Variants in ANXA8 observed in about 807,000 individuals in gnomAD.
ANXA8 encodes the protein annexin A8, also known as VAC-beta.
A neutral mutation model predicts 26.8 loss-of-function variants in ANXA8; 9 were observed. The ratio of observed to expected loss-of-function variants is 0.34; its 90% confidence interval spans 0.20 to 0.59. The LOEUF (loss-of-function observed/expected upper bound fraction) is 0.59, where lower values mean the gene tolerates loss of function less well. Ranked by LOEUF, ANXA8 falls within the 20% of genes least tolerant of loss-of-function variation. The probability of loss-of-function intolerance (pLI) is 0.84; values close to 1 mark genes in which losing one functional copy is unlikely to be tolerated. For synonymous variants in ANXA8, 39 were observed against 94.8 expected, an observed-to-expected ratio of 0.41 and a Z score of 3.42; for missense variants, 83 against 238.5, an observed-to-expected ratio of 0.35 and a Z score of 4.29.
the ANXA8 span, among the ~76,000 whole-genome samples, chr10:47,645,535 AAAAG>A: frequency 6.0e-5 from 9 of 151,064 alleles, no homozygotes; most frequent in Admixed American, 2.0e-4. Context: ...CAAAGAAAGA[AAAAG>A]AAAGAGAAAG....
the ANXA8 span, among the ~76,000 whole-genome samples, chr10:47,767,655 T>C: frequency 2.6e-5 from 4 of 151,422 alleles, no homozygotes; most frequent in South Asian, 8.3e-4. Flanking sequence ...CTGCTCAGCC[T>C]AGTTCATTTC....
At chr10:47,529,383 CA>C in the ANXA8 span, among the ~76,000 whole-genome samples, 1 of 150,312 alleles carries the variant, frequency 6.7e-6, no homozygotes, top group Admixed American at 6.6e-5. Flanking sequence ...TCTTGGATAT[CA>C]TAACTTGACA....
chr10:47,959,055 T>A, the ANXA8 span, among the ~76,000 whole-genome samples: 1 of 148,882 alleles, frequency 6.7e-6, no homozygotes, highest in East Asian at 2.1e-4. Flanking sequence ...GATGAGCCCA[T>A]CTGAAGTGGC....
At chr10:47,682,793 A>G in the ANXA8 span, among the ~76,000 whole-genome samples, 3 of 152,052 alleles carry the variant, frequency 2.0e-5, no homozygotes, top group African/African-American at 4.8e-5. Flanking sequence ...AAGGCCAGAA[A>G]ACCAGCTAGA....
At chr10:47,624,416 G>A in the ANXA8 span, among the ~76,000 whole-genome samples, 1,683 of 86,966 alleles carry the variant, frequency 0.019, 3 homozygotes, top group South Asian at 0.023. Context: ...TTTTCTTCTA[G>A]AGAAATTTTG....
the ANXA8 span, among the ~76,000 whole-genome samples, chr10:47,975,206 T>C: frequency 5.4e-5 from 8 of 148,874 alleles, no homozygotes; most frequent in African/African-American, 1.9e-4. Flanking sequence ...CACCAATAGA[T>C]TGGTGGTGGC....
the ANXA8 span, chr10:47,763,679 CCCCTCGGCGCG>C: frequency 5.7e-6 from 1 of 174,454 alleles, no homozygotes; most frequent in African/African-American, 2.4e-5. Context: ...TCTCTGGTCA[CCCCTCGGCGCG>C]CCCTGGTCGC....
the ANXA8 span, among the ~76,000 whole-genome samples, chr10:47,650,033 T>C: frequency 2.0e-5 from 3 of 149,502 alleles, no homozygotes; most frequent in African/African-American, 7.4e-5. Context: ...CATGGTGAAA[T>C]CCCCTCTCTA....
At chr10:47,656,301 G>C in the ANXA8 span, among the ~76,000 whole-genome samples, 1 of 151,444 alleles carries the variant, frequency 6.6e-6, no homozygotes, top group Non-Finnish European at 1.5e-5. Flanking sequence ...GAGAGGCTGA[G>C]GTGGGAGGAT....
the ANXA8 span, among the ~76,000 whole-genome samples, chr10:47,640,204 T>C: frequency 3.8e-5 from 5 of 132,394 alleles, no homozygotes; most frequent in East Asian, 4.8e-4. Context: ...GGTCAAGTTA[T>C]AGAGATAGCT....
chr10:47,726,634 A>AT, the ANXA8 span, among the ~76,000 whole-genome samples: 1 of 152,294 alleles, frequency 6.6e-6, no homozygotes, highest in African/African-American at 2.4e-5. Flanking sequence ...TAGAATAAAT[A>AT]AAATGTAGTA....
At chr10:47,653,564 C>A in the ANXA8 span, among the ~76,000 whole-genome samples, 49 of 150,590 alleles carry the variant, frequency 3.3e-4, no homozygotes, top group Non-Finnish European at 5.0e-4. Context: ...TTGAGTTTGT[C>A]CAAATGGGGT....
chr10:47,557,925 G>A, the ANXA8 span, among the ~76,000 whole-genome samples: 1 of 151,906 alleles, frequency 6.6e-6, no homozygotes, highest in Admixed American at 6.6e-5. Context: ...CTTCATCACT[G>A]TAGCAACTTA....
chr10:47,896,168 C>T, the ANXA8 span, among the ~76,000 whole-genome samples: 1 of 150,310 alleles, frequency 6.7e-6, no homozygotes, highest in Non-Finnish European at 1.5e-5. Context: ...GAGTGCAGCC[C>T]TCCAGAAGAA....
the ANXA8 span, among the ~76,000 whole-genome samples, chr10:47,656,963 A>G: frequency 8.0e-5 from 12 of 150,614 alleles, no homozygotes; most frequent in African/African-American, 2.5e-4. Context: ...ACTGGTGACT[A>G]CAGTCTTTTA....
At chr10:47,954,528 T>G in the ANXA8 span, among the ~76,000 whole-genome samples, 1 of 151,150 alleles carries the variant, frequency 6.6e-6, no homozygotes, top group Non-Finnish European at 1.5e-5. Context: ...TTAGTATATT[T>G]AAAAATAAGT....
the ANXA8 span, among the ~76,000 whole-genome samples, chr10:47,619,827 C>G: frequency 8.8e-6 from 1 of 113,878 alleles, no homozygotes; most frequent in South Asian, 2.9e-4. Flanking sequence ...GTAACAGAAG[C>G]AGATTAATTG....
the ANXA8 span, among the ~76,000 whole-genome samples, chr10:47,697,215 T>C: frequency 6.6e-6 from 1 of 152,244 alleles, no homozygotes; most frequent in Non-Finnish European, 1.5e-5. Flanking sequence ...TTCCAGTCTT[T>C]GTCTTTAGGC....
chr10:47,630,356 A>G, the ANXA8 span, among the ~76,000 whole-genome samples: 412 of 149,900 alleles, frequency 2.7e-3, 35 homozygotes, highest in African/African-American at 7.7e-3. Context: ...TGGAGTGATA[A>G]TAATTTGTAT....
Sources: gnomAD v4.1 joint callset for allele counts (sites outside exome capture counted in the v4.1 genomes callset) on GRCh38, gnomAD v4.1.1 for gene constraint, MANE v1.5 for transcripts, NCBI Gene and HGNC (gene_info 2026-07-23, HGNC 2026-07-21) for gene names.